The following NBEA variants were observed in gnomAD, a reference collection of about 807,000 sequenced individuals.
NBEA encodes lysosomal-trafficking regulator 2.
A neutral mutation model predicts 343.4 loss-of-function variants in NBEA; 44 were observed. The ratio of observed to expected loss-of-function variants is 0.13; its 90% CI spans 0.10 to 0.16. The LOEUF (loss-of-function observed/expected upper bound fraction) is 0.16. Ranked by LOEUF, NBEA falls within the 10% of genes least tolerant of loss-of-function variation. The pLI is 1.00. For synonymous variants in NBEA, 1,175 were observed against 1,238.7 expected, an observed-to-expected ratio of 0.95 and a Z score of 1.08; for missense variants, 2,555 against 3,631.3, an observed-to-expected ratio of 0.70 and a Z score of 7.62.
intron 48 of NBEA, among the ~76,000 whole-genome samples, chr13:35,622,252 A>T (rs1441461024): frequency 2.6e-5 from 4 of 152,178 alleles, no homozygotes; most frequent in Non-Finnish European, 4.4e-5. Context: ...CTAAGGATTT[A>T]TATCAGGAAG....
At chr13:35,618,638 G>T (rs1269319989) in intron 48 of NBEA, among the ~76,000 whole-genome samples, 1 of 152,150 alleles carries the variant, frequency 6.6e-6, no homozygotes, top group East Asian at 1.9e-4. Context: ...TATACGTCAA[G>T]AATTGGTTTA....
intron 24 of NBEA, among the ~76,000 whole-genome samples, chr13:35,167,049 A>G (rs2070092406): frequency 6.6e-6 from 1 of 152,014 alleles, no homozygotes; most frequent in South Asian, 2.1e-4. Flanking sequence ...TTATATATAT[A>G]TAGTTTTTCA....
intron 1 of NBEA, among the ~76,000 whole-genome samples, chr13:34,944,664 A>G (rs1057074611): frequency 2.0e-5 from 3 of 151,194 alleles, no homozygotes; most frequent in Non-Finnish European, 4.4e-5. Flanking sequence ...AGTACTTGCC[A>G]TTTCTTTTTA....
At chr13:35,432,455 A>G in intron 39 of NBEA, 62 bp downstream of exon 39, 1 of 1,424,620 alleles carries the variant, frequency 7.0e-7, no homozygotes, top group South Asian at 1.6e-5. Context: ...CTTGTGTTTG[A>G]GAATTCCTTC....
intron 38 of NBEA, among the ~76,000 whole-genome samples, chr13:35,400,745 TCA>T (rs1190098493): frequency 1.3e-5 from 2 of 152,054 alleles, no homozygotes; most frequent in Non-Finnish European, 2.9e-5. Flanking sequence ...GGAATGGGAT[TCA>T]GACTATGGGA....
chr13:35,050,402 A>G lies in NBEA; in HGVS notation c.972+7A>G, dbSNP rs368719991. 3.7e-6 allele frequency: 6 copies of G among 1,605,190 alleles called. No individual in the cohort carries two copies. Among genetic ancestry groups the G allele is most frequent in the Non-Finnish European group, 5.1e-6 (6 of 1,175,838 alleles). On this transcript the variant is annotated splice_region_variant and intron_variant, in intron 6 of 58. Transcript: ENST00000379939. ...TGATTTTCAACCACGCAAGGTAGGT[A>G]AAAGTAAATATTTTTATAACTCACC...
In NBEA at chr13:35,134,132, A is replaced by G. The variant is rs1244628841; in HGVS notation, c.2337-8137A>G. Among the ~76,000 whole-genome samples, 10 of 152,062 alleles carry G rather than the reference A, an allele frequency of 6.6e-5. 1 individual carries two copies. In the East Asian group the frequency reaches 1.9e-3, roughly 29 times the overall value. On this transcript the variant is annotated intron_variant, in intron 17 of 58. Coordinates refer to ENST00000379939, the MANE Select transcript of NBEA (RefSeq NM_001385012.1). ...ATGGTGTTAAGTTCATAAACCTGAA[A>G]ACATCAAATAGCGATGTCAAAAATA...
At chr13:35,132,319 A>G (rs924373953) in intron 17 of NBEA, among the ~76,000 whole-genome samples, 1 of 152,044 alleles carries the variant, frequency 6.6e-6, no homozygotes, top group Non-Finnish European at 1.5e-5. Context: ...CACCATGCCC[A>G]GCTAATTTTT....
At chr13:35,466,590 CCTAGGTAGCCA>C (rs1470238652) in intron 40 of NBEA, among the ~76,000 whole-genome samples, 4 of 152,156 alleles carry the variant, frequency 2.6e-5, no homozygotes, top group Non-Finnish European at 4.4e-5. Flanking sequence ...ACCTCAGCTT[CCTAGGTAGCCA>C]GGACAATAGG....
chr13:35,455,818 G>A (rs2046554855), intron 40 of NBEA, among the ~76,000 whole-genome samples: 1 of 151,968 alleles, frequency 6.6e-6, no homozygotes, highest in Non-Finnish European at 1.5e-5. Flanking sequence ...ACTTGCCTAA[G>A]GTTAAGAAGT....
At chr13:35,580,912 A>T (rs916464171) in intron 45 of NBEA, among the ~76,000 whole-genome samples, 29 of 152,308 alleles carry the variant, frequency 1.9e-4, no homozygotes, top group African/African-American at 6.3e-4. Context: ...AAATATAAGT[A>T]TTTACTTTTC....
At chr13:35,464,127 A>AG (rs901706198) in intron 40 of NBEA, among the ~76,000 whole-genome samples, 2 of 152,204 alleles carry the variant, frequency 1.3e-5, no homozygotes, top group African/African-American at 4.8e-5. Flanking sequence ...TCTAGAAAAA[A>AG]AAATCCGTAT....
At chr13:35,649,526 T>G (rs1184626947) in intron 51 of NBEA, 129 bp from the exon 52 acceptor site, 1 of 735,376 alleles carries the variant, frequency 1.4e-6, no homozygotes, top group Admixed American at 2.4e-5. Context: ...GTATGAAAGT[T>G]TAGGTGGCTT....
chr13:35,339,624 G>A (rs1398869086), intron 36 of NBEA, among the ~76,000 whole-genome samples: 1 of 152,024 alleles, frequency 6.6e-6, no homozygotes, highest in African/African-American at 2.4e-5. Flanking sequence ...AGGCTGTAAA[G>A]GAAGCATAAT....
intron 49 of NBEA, among the ~76,000 whole-genome samples, chr13:35,631,509 C>T (rs2083451743): frequency 6.6e-6 from 1 of 151,488 alleles, no homozygotes; most frequent in South Asian, 2.1e-4. Flanking sequence ...ATAGATAAAA[C>T]CAAAGGAAGG....
intron 40 of NBEA, among the ~76,000 whole-genome samples, chr13:35,453,325 T>A (rs575537862): frequency 6.6e-6 from 1 of 152,350 alleles, no homozygotes; most frequent in Non-Finnish European, 1.5e-5. Flanking sequence ...TCTATATTAT[T>A]CACATTTCTG....
chr13:35,541,182 G>T (rs1416703732), intron 41 of NBEA, among the ~76,000 whole-genome samples: 1 of 151,202 alleles, frequency 6.6e-6, no homozygotes, highest in Non-Finnish European at 1.5e-5. Flanking sequence ...TGTGTCCGTT[G>T]CCCCCCCACC....
chr13:35,079,609 A>G (rs1390107714), intron 10 of NBEA, among the ~76,000 whole-genome samples: 1 of 152,212 alleles, frequency 6.6e-6, no homozygotes, highest in Non-Finnish European at 1.5e-5. Context: ...ATAAAAGTGT[A>G]GATAGTATAC....
At chr13:35,549,447 T>C (rs978921540) in intron 41 of NBEA, among the ~76,000 whole-genome samples, 1 of 152,198 alleles carries the variant, frequency 6.6e-6, no homozygotes, top group African/African-American at 2.4e-5. Context: ...GAATTGTTAA[T>C]ACACGTTGGT....
Sources: allele counts gnomAD v4.1 joint callset (sites outside exome capture counted in the v4.1 genomes callset), GRCh38; gene constraint gnomAD v4.1.1; transcripts MANE v1.5; gene names NCBI Gene and HGNC (gene_info 2026-07-23, HGNC 2026-07-21).